RAD51B: variants seen among roughly 807,000 people sequenced by gnomAD.
The protein encoded by RAD51B is RAD51 paralog B, also known as DNA repair protein RAD51 homolog 2.
A neutral mutation model predicts 42.2 loss-of-function variants in RAD51B; 38 were observed. The observed-to-expected ratio is 0.90, with a 90% CI of 0.70 to 1.18. The LOEUF is 1.18. Among genes scored for constraint, RAD51B ranks in the 50% most tolerant of loss-of-function variants. RAD51B has a pLI of 0.00. For missense variants in RAD51B, 373 were observed against 400.7 expected, an observed-to-expected ratio of 0.93 and a Z score of 0.59; for synonymous variants, 154 against 145.2, an observed-to-expected ratio of 1.06 and a Z score of -0.43.
chr14:67,886,124 G>C (rs1278311071), intron 6 of RAD51B, 136 bp downstream of exon 6: 16 of 651,424 alleles, frequency 2.5e-5, no homozygotes, highest in Non-Finnish European at 3.8e-5. Context: ...GTTCTTCTTT[G>C]TTATAGCCTT....
At chr14:67,840,114 T>C (rs957854083) in intron 4 of RAD51B, among the ~76,000 whole-genome samples, 4 of 152,184 alleles carry the variant, frequency 2.6e-5, no homozygotes, top group African/African-American at 7.2e-5. Context: ...GAATGATTAT[T>C]CTCTAATAAT....
intron 10 of RAD51B, among the ~76,000 whole-genome samples, chr14:68,640,321 C>T (rs890776331): frequency 1.2e-4 from 18 of 152,316 alleles, no homozygotes; most frequent in Admixed American, 2.0e-4. Flanking sequence ...TGTCAACCTA[C>T]GGCAAACACC....
At chr14:68,645,433 A>G (rs1257403412) in intron 10 of RAD51B, among the ~76,000 whole-genome samples, 1 of 152,216 alleles carries the variant, frequency 6.6e-6, no homozygotes, top group Non-Finnish European at 1.5e-5. Context: ...CATTTTAGCT[A>G]TTATGAATAA....
rs201705512 is a variant in RAD51B at position 68,281,067 on chromosome 14, G to GA, written c.757-10807dup. 3.2e-3 allele frequency among the ~76,000 whole-genome samples: 469 copies of GA among 145,858 alleles called. 3 individuals are homozygous for GA. Among genetic ancestry groups the GA allele is most frequent in the African/African-American group, 8.6e-3 (341 of 39,768 alleles). On this transcript the variant is annotated intron_variant, in intron 7 of 10. Transcript: ENST00000471583. ...GCAAGAGCCTGTCTCAAAAAAAAAT[G>GA]AAAAAAAAAATAGAAGAAAAAGAAG...
intron 9 of RAD51B, among the ~76,000 whole-genome samples, chr14:68,457,511 A>G (rs1408167962): frequency 6.6e-6 from 1 of 152,212 alleles, no homozygotes; most frequent in Admixed American, 6.5e-5. Flanking sequence ...TTGGTGGCCC[A>G]TATTTTTGAC....
At chr14:67,840,323 C>T (rs2041385021) in intron 4 of RAD51B, among the ~76,000 whole-genome samples, 1 of 152,138 alleles carries the variant, frequency 6.6e-6, no homozygotes, top group Admixed American at 6.6e-5. Context: ...TGATTGTTCC[C>T]ATCTTTGTGT....
chr14:67,897,624 A>G (rs561797316), intron 7 of RAD51B, among the ~76,000 whole-genome samples: 65 of 151,866 alleles, frequency 4.3e-4, no homozygotes, highest in African/African-American at 1.5e-3. Context: ...AGTGGGCAGG[A>G]TGTGAAGAAA....
intron 7 of RAD51B, among the ~76,000 whole-genome samples, chr14:68,276,470 T>A (rs1401665815): frequency 6.6e-6 from 1 of 152,242 alleles, no homozygotes; most frequent in African/African-American, 2.4e-5. Flanking sequence ...ACGATTTGTA[T>A]TTAATAAGTA....
At chr14:68,631,713 C>A (rs547134926) in intron 10 of RAD51B, among the ~76,000 whole-genome samples, 1 of 152,208 alleles carries the variant, frequency 6.6e-6, no homozygotes, top group South Asian at 2.1e-4. Flanking sequence ...AGCCTTTGCA[C>A]GGTCTGTTCC....
intron 5 of RAD51B, among the ~76,000 whole-genome samples, chr14:67,873,650 G>T (rs1050063130): frequency 4.6e-5 from 7 of 151,356 alleles, no homozygotes; most frequent in African/African-American, 9.8e-5. Context: ...TATGTTTATT[G>T]TGGCATTATT....
chr14:68,034,488 C>T (rs374378806), intron 7 of RAD51B, among the ~76,000 whole-genome samples: 6 of 152,028 alleles, frequency 3.9e-5, no homozygotes, highest in African/African-American at 9.7e-5. Flanking sequence ...AGGCTGGTCT[C>T]GAACTCTTGG....
rs375937714 is a variant in RAD51B at position 68,356,577 on chromosome 14, C to A, written c.854-54847C>A. On this transcript the variant is annotated intron_variant, in intron 8 of 10. Coordinates refer to ENST00000471583, the MANE Select transcript of RAD51B (RefSeq NM_133510.4). ...AAAAAAATGCTAGGGATCATCGGAG[C>A]CTTCAGTGAGTTATAATCTTGCTGG... Among the ~76,000 whole-genome samples, 7 of 152,050 alleles carry A rather than the reference C, an allele frequency of 4.6e-5. No individual in the cohort carries two copies. In the East Asian group the frequency reaches 7.7e-4, roughly 17 times the overall value.
chr14:68,318,918 G>T (rs761531037), intron 8 of RAD51B, among the ~76,000 whole-genome samples: 4 of 152,164 alleles, frequency 2.6e-5, no homozygotes, highest in Non-Finnish European at 4.4e-5. Flanking sequence ...AAAAAAGCAA[G>T]GGGTCAGTAC....
chr14:68,422,559 C>A (rs1385685341), intron 9 of RAD51B, among the ~76,000 whole-genome samples: 598 of 104,342 alleles, frequency 5.7e-3, no homozygotes, highest in South Asian at 7.7e-3. Context: ...GTCTCCATCT[C>A]AAAAAAAAAA....
intron 8 of RAD51B, among the ~76,000 whole-genome samples, chr14:68,388,375 G>A (rs1463514203): frequency 6.6e-6 from 1 of 152,022 alleles, no homozygotes; most frequent in Non-Finnish European, 1.5e-5. Context: ...TGGGATTACA[G>A]GCATGAGCCA....
chr14:68,676,230 C>A (rs765554860), intron 11 of RAD51B, among the ~76,000 whole-genome samples: 1 of 152,086 alleles, frequency 6.6e-6, no homozygotes, highest in Admixed American at 6.6e-5. Flanking sequence ...ACTTTAGAGA[C>A]GAGGAAACCT....
intron 7 of RAD51B, among the ~76,000 whole-genome samples, chr14:68,056,674 G>C (rs546973648): frequency 6.6e-5 from 10 of 151,586 alleles, no homozygotes; most frequent in Admixed American, 3.3e-4. Flanking sequence ...CTTGAATCCG[G>C]GAGGCAGAGG....
At chr14:68,628,283 G>A (rs1413465569) in intron 10 of RAD51B, 1 of 152,258 alleles carries the variant, frequency 6.6e-6, no homozygotes, top group Admixed American at 6.5e-5. Context: ...CAGCAGACTA[G>A]AGCCAGCTTC....
intron 3 of RAD51B, among the ~76,000 whole-genome samples, chr14:67,830,224 T>C (rs951247687): frequency 2.0e-5 from 3 of 152,082 alleles, no homozygotes; most frequent in African/African-American, 7.2e-5. Context: ...TATACTGTAA[T>C]ATGTGTTTTA....
Sources: allele counts gnomAD v4.1 joint callset (sites outside exome capture counted in the v4.1 genomes callset), GRCh38; gene constraint gnomAD v4.1.1; transcripts MANE v1.5; gene names NCBI Gene and HGNC (gene_info 2026-07-23, HGNC 2026-07-21).